The following MED12L variants were observed in gnomAD, a reference collection of about 807,000 sequenced individuals.
The protein encoded by MED12L is mediator of RNA polymerase II transcription subunit 12-like protein.
MED12L carries 60 observed loss-of-function variants against 281.3 expected under a neutral mutation model. That is an observed-to-expected ratio of 0.21 (90% CI 0.17 to 0.26). The LOEUF (loss-of-function observed/expected upper bound fraction) is 0.26. MED12L is among the 10% of genes least tolerant of loss of function. The pLI is 1.00. For missense variants in MED12L, 2,146 were observed against 2,680.9 expected, an observed-to-expected ratio of 0.80 and a Z score of 4.41; for synonymous variants, 974 against 987.2, an observed-to-expected ratio of 0.99 and a Z score of 0.25.
intron 24 of MED12L, 78 bp downstream of exon 24, chr3:151,367,844 GA>G: frequency 6.7e-7 from 1 of 1,490,492 alleles, no homozygotes; most frequent in African/African-American, 1.4e-5. Flanking sequence ...ACAACACAGG[GA>G]AAGGAGTATT....
intron 16 of MED12L, among the ~76,000 whole-genome samples, chr3:151,304,333 G>A (rs1278740151): frequency 2.0e-5 from 3 of 152,174 alleles, no homozygotes; most frequent in Non-Finnish European, 4.4e-5. Context: ...CCCAGCACTG[G>A]GTGGCCGAGG....
rs117241364 is a variant in MED12L at position 151,334,591 on chromosome 3, G to A, written c.2251-15468G>A. Among the ~76,000 whole-genome samples, 511 of 151,846 alleles carry A rather than the reference G, an allele frequency of 3.4e-3. 15 individuals carry two copies. In the East Asian group the frequency reaches 0.066, roughly 20 times the overall value. Reference sequence around the variant, plus strand: ...CTCAATCTCGGCTCACTGCAACCTCGTGTGTTCAAGCGGTTCTCCTGCCTC... The same window carrying A: ...CTCAATCTCGGCTCACTGCAACCTCATGTGTTCAAGCGGTTCTCCTGCCTC... On this transcript the variant is annotated intron_variant, in intron 16 of 44. Transcript: ENST00000687756.
intron 2 of MED12L, among the ~76,000 whole-genome samples, chr3:151,106,142 C>G (rs1721984394): frequency 1.3e-5 from 2 of 151,970 alleles, no homozygotes; most frequent in Non-Finnish European, 2.9e-5. Context: ...CCCAGTTGGT[C>G]TGACCCTACT....
intron 11 of MED12L, among the ~76,000 whole-genome samples, chr3:151,182,608 C>G (rs756911023): frequency 1.3e-5 from 2 of 151,956 alleles, no homozygotes; most frequent in African/African-American, 2.4e-5. Context: ...CACTGAGGCC[C>G]GAGGTGGAGG....
chr3:151,227,563 A>G, intron 16 of MED12L, among the ~76,000 whole-genome samples: 1 of 152,234 alleles, frequency 6.6e-6, no homozygotes, highest in East Asian at 1.9e-4. Context: ...TAAGAACTCC[A>G]GCCTGTCTTC....
chr3:151,294,838 G>A, intron 16 of MED12L: 3 of 1,614,066 alleles, frequency 1.9e-6, no homozygotes, highest in Non-Finnish European at 2.5e-6. Context: ...AGCGATCAAT[G>A]CTTATCAGCC....
intron 16 of MED12L, among the ~76,000 whole-genome samples, chr3:151,223,279 T>C (rs1729778688): frequency 6.6e-6 from 1 of 151,692 alleles, no homozygotes; most frequent in South Asian, 2.1e-4. Context: ...GAAAGCAGTG[T>C]AGAGATTTCT....
chr3:151,169,161 A>C (rs1576878823), intron 11 of MED12L, among the ~76,000 whole-genome samples: 1 of 125,918 alleles, frequency 7.9e-6, no homozygotes, highest in African/African-American at 3.1e-5. Flanking sequence ...TCTGTCTCCC[A>C]GGCTGGAGTG....
chr3:151,185,347 A>G lies in MED12L; in HGVS notation c.1512A>G (p.Glu504=). The G allele has an allele frequency of 6.2e-7, 1 of 1,613,744 alleles. No individual in the cohort carries two copies. The highest frequency in any genetic ancestry group is 8.5e-7 in the Non-Finnish European group (1 of 1,179,880). The change falls in exon 12 of 45, where the codon GAA becomes GAG. Residue 504 remains glutamate (E), a synonymous_variant. Coordinates refer to ENST00000687756, the MANE Select transcript of MED12L (RefSeq NM_001393769.1). ...KDNQEVAPND[E]AVVTLLCEWA... ...GTCATTAGGTTGCGCCCAACGATGA[A>G]GCTGTGGTGACGCTGTTATGTGAAT...
intron 16 of MED12L, among the ~76,000 whole-genome samples, chr3:151,238,866 T>C (rs1044012774): frequency 2.0e-4 from 30 of 152,358 alleles, no homozygotes; most frequent in African/African-American, 7.0e-4. Context: ...ATAATTGAGT[T>C]ATAAGCTGAA....
intron 5 of MED12L, among the ~76,000 whole-genome samples, chr3:151,137,347 C>T (rs911141078): frequency 1.3e-5 from 2 of 152,098 alleles, no homozygotes; most frequent in Non-Finnish European, 2.9e-5. Context: ...GACATGACAC[C>T]ATTTGTCATG....
intron 2 of MED12L, among the ~76,000 whole-genome samples, chr3:151,087,231 C>G (rs1003812733): frequency 1.3e-5 from 2 of 152,232 alleles, no homozygotes; most frequent in African/African-American, 2.4e-5. Context: ...CACTGGGGCG[C>G]TCGCTTTCCA....
intron 16 of MED12L, among the ~76,000 whole-genome samples, chr3:151,201,337 C>G (rs1304669372): frequency 6.6e-6 from 1 of 152,090 alleles, no homozygotes; most frequent in Non-Finnish European, 1.5e-5. Context: ...TTCTCTCTAC[C>G]ATCTCTACTT....
Position 151,185,402 on chromosome 3 carries a change from C to T in MED12L, c.1567C>T (p.His523Tyr), listed in dbSNP as rs1276198411. 1 of 1,613,932 alleles carries T rather than the reference C, an allele frequency of 6.2e-7. No individual in the cohort carries two copies. The highest frequency in any genetic ancestry group is 8.5e-7 in the Non-Finnish European group (1 of 1,179,978). The change falls in exon 12 of 45, where the codon CAC (histidine) becomes TAC (tyrosine). Residue 523 changes from histidine to tyrosine, a missense_variant. Coordinates refer to ENST00000687756, the MANE Select transcript of MED12L (RefSeq NM_001393769.1). The part of the protein sequence containing the change: ...WAVSCKRSGK[H>Y]RAMAVAKLLE... ...CGTGAGCTGCAAACGGTCTGGCAAG[C>T]ACAGGGCCATGGCTGTGGCAAAACT...
intron 16 of MED12L, among the ~76,000 whole-genome samples, chr3:151,246,945 A>G (rs1409886649): frequency 6.6e-6 from 1 of 152,214 alleles, no homozygotes; most frequent in Non-Finnish European, 1.5e-5. Flanking sequence ...CAACCCCATC[A>G]AAAAGTGGGC....
intron 44 of MED12L, among the ~76,000 whole-genome samples, chr3:151,431,410 G>A (rs1719489754): frequency 6.6e-6 from 1 of 152,102 alleles, no homozygotes; most frequent in African/African-American, 2.4e-5. Context: ...CTGACAGAGG[G>A]ATATCCCTCT....
At chr3:151,194,087 T>C (rs1272358903) in intron 16 of MED12L, among the ~76,000 whole-genome samples, 2 of 149,688 alleles carry the variant, frequency 1.3e-5, no homozygotes, top group African/African-American at 4.9e-5. Flanking sequence ...TGCCTCAGCC[T>C]CCCGAGTAGC....
chr3:151,189,455 T>C (rs1055878793), intron 13 of MED12L, among the ~76,000 whole-genome samples: 1 of 152,242 alleles, frequency 6.6e-6, no homozygotes, highest in Non-Finnish European at 1.5e-5. Context: ...TTAGCAGTTG[T>C]AACTTACCTT....
chr3:151,411,449 A>C lies in MED12L; in HGVS notation c.6082A>C (p.Ser2028Arg). 6.2e-7 allele frequency: 1 copy of C among 1,614,134 alleles called. No homozygotes were observed. The highest frequency in any genetic ancestry group is 1.1e-5 in the South Asian group (1 of 91,076). Reference sequence around the variant, plus strand: ...ACTCAGACAGATTCAGCAGCAGCCGAGTGGCTATGTTCAGCAGCAGGCCTC... The same window carrying C: ...ACTCAGACAGATTCAGCAGCAGCCGCGTGGCTATGTTCAGCAGCAGGCCTC... ...ERLRQIQQQP[S>R]GYVQQQASPY... is the part of the protein sequence containing the mutation. Residue 2028 changes from serine (S) to arginine (R), a missense_variant, in exon 41 of 45, where the codon AGT (serine) becomes CGT (arginine). Ser to Arg is a moderately radical substitution (Grantham distance 110). Coordinates refer to ENST00000687756, the MANE Select transcript of MED12L (RefSeq NM_001393769.1).
Sources: gnomAD v4.1 joint callset for allele counts (sites outside exome capture counted in the v4.1 genomes callset) on GRCh38, gnomAD v4.1.1 for gene constraint, MANE v1.5 for transcripts, NCBI Gene and HGNC (gene_info 2026-07-23, HGNC 2026-07-21) for gene names.